The following ZNF217 variants were observed in gnomAD, a reference collection of about 807,000 sequenced individuals.
ZNF217 encodes zinc finger protein 217.
In ZNF217, 12 loss-of-function variants were observed where a neutral mutation model predicts 73.3. The ratio of observed to expected loss-of-function variants is 0.16; its 90% CI spans 0.10 to 0.27. The LOEUF (loss-of-function observed/expected upper bound fraction) is 0.27, where lower values mean the gene tolerates loss of function less well. Among genes scored for constraint, ZNF217 ranks in the 10% least tolerant of loss-of-function variants. The probability of loss-of-function intolerance (pLI) is 1.00; values close to 1 mark genes in which losing one functional copy is unlikely to be tolerated. For missense variants in ZNF217, 1,195 were observed against 1,327.8 expected (o/e 0.90, Z 1.55); for synonymous variants, 588 against 516.4 (o/e 1.14, Z -1.88).
chr20:53,580,995 GC>G (rs1466518643), intron 2 of ZNF217, among the ~76,000 whole-genome samples: 1 of 152,106 alleles, frequency 6.6e-6, no homozygotes, highest in Non-Finnish European at 1.5e-5. Context: ...GCTGTCCTGT[GC>G]ACTGTACCAT....
Position 53,576,888 on chromosome 20 carries a change from A to G in ZNF217, c.1876T>C (p.Leu626=), listed in dbSNP as rs898938393. ...KNPTPAYLDL[L]KKRSAVETQA... ...GTTTCAACTGCTGATCTCTTTTTTA[A>G]CAGGTCCAGGTAAGCAGGGGTAGGG... The change falls in exon 4 of 6, where the codon TTA becomes CTA. Residue 626 remains leucine (L), a synonymous_variant. Coordinates refer to ENST00000371471, the MANE Select transcript of ZNF217 (RefSeq NM_006526.3). The G allele has an allele frequency of 1.9e-6, 3 of 1,614,044 alleles. No individual in the cohort carries two copies. The highest frequency in any genetic ancestry group is 2.5e-6 in the Non-Finnish European group (3 of 1,180,034).
chr20:53,588,684 A>G (rs1388430121), intron 1 of ZNF217, among the ~76,000 whole-genome samples: 1 of 151,964 alleles, frequency 6.6e-6, no homozygotes, highest in Non-Finnish European at 1.5e-5. Flanking sequence ...ACTTCTTCCA[A>G]TGAGCGCTCT....
In ZNF217 at chr20:53,581,521, G is replaced by C; in HGVS notation, c.1306C>G (p.Arg436Gly). The change falls in exon 2 of 6, where the codon CGA (arginine) becomes GGA (glycine). Residue 436 changes from arginine (R) to glycine (G), a missense_variant. Transcript: ENST00000371471. This position sits in a 1 kb window ranked among gnomAD's most constrained non-coding sequence, Gnocchi z 4.9. ...CCGTCTTCAGAACCACCTTCCCCTC[G>C]ATCCACGGCTCCATTTTCATCCAGA... ...APLDENGAVD[R>G]GEGGSEDGSE... 11 of 1,614,054 alleles carry C rather than the reference G, an allele frequency of 6.8e-6. No homozygotes were observed. Among genetic ancestry groups the C allele is most frequent in the Non-Finnish European group, 9.3e-6 (11 of 1,179,934 alleles).
rs769306415 is a variant in ZNF217 at position 53,582,188 on chromosome 20, AGAG to A, written c.636_638del (p.Ser213del). The A allele has an allele frequency of 1.9e-6, 3 of 1,614,096 alleles. No homozygotes were observed. Among genetic ancestry groups the A allele is most frequent in the Non-Finnish European group, 2.5e-6 (3 of 1,180,046 alleles). ...CACAAACCATGCAGATTTTGTAAGG[AGAG>A]GAGATGCTCTCGGCCGCGTGCACCT... On this transcript the variant is annotated inframe_deletion, in exon 2 of 6. Transcript: ENST00000371471. This position sits in a 1 kb window ranked among gnomAD's most constrained non-coding sequence, Gnocchi z 4.8.
chr20:53,585,658 T>G (rs1273431619), intron 1 of ZNF217, among the ~76,000 whole-genome samples: 1 of 152,200 alleles, frequency 6.6e-6, no homozygotes, highest in Non-Finnish European at 1.5e-5. Flanking sequence ...AATTCTCAAT[T>G]ATCTGGGTTA....
At position 53,582,849 on chromosome 20, in the gene ZNF217, C is replaced by T; in HGVS notation, c.-23G>A. 6.4e-7 allele frequency: 1 copy of T among 1,568,052 alleles called. No individual in the cohort carries two copies. The highest frequency in any genetic ancestry group is 8.7e-7 in the Non-Finnish European group (1 of 1,155,128). ...CATATAATCTCAAAGTTCCGTTGGG[C>T]AATTTCTGGAGTTGGAATAAGGCCA... On this transcript the variant is annotated 5_prime_UTR_variant, in exon 2 of 6. Coordinates refer to ENST00000371471, the MANE Select transcript of ZNF217 (RefSeq NM_006526.3). This position sits in a 1 kb window ranked among gnomAD's most constrained non-coding sequence, Gnocchi z 4.8.
intron 1 of ZNF217, among the ~76,000 whole-genome samples, chr20:53,588,270 A>G (rs1181240561): frequency 2.6e-5 from 4 of 152,126 alleles, no homozygotes. Flanking sequence ...AAAGTATAAC[A>G]TACTAGTTTT....
At chr20:53,583,386 T>C (rs1015208199) in intron 1 of ZNF217, among the ~76,000 whole-genome samples, 5 of 152,232 alleles carry the variant, frequency 3.3e-5, no homozygotes, top group African/African-American at 4.8e-5. Flanking sequence ...TTTCATCCAG[T>C]TAAAATCCAG....
At chr20:53,585,083 C>A (rs1427754393) in intron 1 of ZNF217, among the ~76,000 whole-genome samples, 8 of 44,528 alleles carry the variant, frequency 1.8e-4, no homozygotes, top group African/African-American at 4.8e-4. Flanking sequence ...AATCAAAGTT[C>A]AGTGAGAATT....
At chr20:53,573,125 A>ATTTTT (rs58075044) in intron 4 of ZNF217, among the ~76,000 whole-genome samples, 1 of 141,172 alleles carries the variant, frequency 7.1e-6, no homozygotes. Flanking sequence ...CTGTAGTACT[A>ATTTTT]TTTTTTTTTT....
rs1255378469 is a variant in ZNF217 at position 53,574,243 on chromosome 20, T to C, written c.3037+1484A>G. The C allele has an allele frequency of 2.0e-5, 3 of 152,210 alleles. No individual in the cohort carries two copies. The East Asian group carries it at 5.8e-4, about 29-fold the overall frequency. The allele number at this position is 152,210 out of a possible 1,614,324, so 9.4% of individuals were successfully genotyped here. On this transcript the variant is annotated intron_variant, in intron 4 of 5. Transcript: ENST00000371471. ...TCCCCCAAATATTTTAGTCCCGCAG[T>C]TGGTTGAATCCACTGAGGCAGAACC... is the stretch of plus-strand genomic sequence containing the variant.
intron 1 of ZNF217, among the ~76,000 whole-genome samples, chr20:53,588,751 A>G (rs907670044): frequency 9.2e-5 from 14 of 152,186 alleles, no homozygotes; most frequent in Non-Finnish European, 1.9e-4. Flanking sequence ...ATGCCTTTTA[A>G]GGCATAAGAT....
intron 1 of ZNF217, among the ~76,000 whole-genome samples, chr20:53,590,156 ATTTAT>A (rs1988830743): frequency 6.7e-6 from 1 of 150,028 alleles, no homozygotes; most frequent in Non-Finnish European, 1.5e-5. Flanking sequence ...ATCTTATTAC[ATTTAT>A]TTTATTAGTG....
At chr20:53,583,477 TA>T (rs1485241773) in intron 1 of ZNF217, among the ~76,000 whole-genome samples, 2 of 152,244 alleles carry the variant, frequency 1.3e-5, no homozygotes, top group Non-Finnish European at 1.5e-5. Flanking sequence ...GAATACATTT[TA>T]AATGCCACTA....
upstream of ZNF217, among the ~76,000 whole-genome samples, chr20:53,594,835 A>T (rs1308353348): frequency 7.9e-5 from 12 of 151,924 alleles, no homozygotes. Context: ...AACACCAAAG[A>T]TTTTCTTCAA....
chr20:53,573,794 G>A (rs1988121536), intron 4 of ZNF217, among the ~76,000 whole-genome samples: 1 of 152,138 alleles, frequency 6.6e-6, no homozygotes, highest in Non-Finnish European at 1.5e-5. Flanking sequence ...TACACTGCTG[G>A]GCATGGTGGC....
chr20:53,592,797 C>T (rs1600732890), intron 1 of ZNF217, among the ~76,000 whole-genome samples: 1 of 147,896 alleles, frequency 6.8e-6, no homozygotes, highest in East Asian at 2.0e-4. Flanking sequence ...TGAAACTGAG[C>T]GGTTTCACCA....
At chr20:53,593,644 C>T (rs1988963600) in intron 1 of ZNF217, 112 bp downstream of exon 1, 1 of 151,330 alleles carries the variant, frequency 6.6e-6, no homozygotes, top group African/African-American at 2.4e-5. Flanking sequence ...CTGAGGTCAT[C>T]CTGGGGGGGG....
In ZNF217 at chr20:53,582,491, T is replaced by C; in HGVS notation, c.336A>G (p.Gln112=). 1 of 1,614,200 alleles carries C rather than the reference T, an allele frequency of 6.2e-7. No homozygotes were observed. Among genetic ancestry groups the C allele is most frequent in the South Asian group, 1.1e-5 (1 of 91,088 alleles). The part of the protein sequence containing the change: ...AEYLSPLDKS[Q]VRTEPPKEKN... ...TTTCCTTGGGAGGTTCTGTTCGCACTTGACTTTTATCAAGCGGACTGAGAT... is the reference window on the plus strand; with the variant it reads ...TTTCCTTGGGAGGTTCTGTTCGCACCTGACTTTTATCAAGCGGACTGAGAT... Residue 112 remains glutamine, a synonymous_variant, in exon 2 of 6, where the codon CAA becomes CAG. Coordinates refer to ENST00000371471, the MANE Select transcript of ZNF217 (RefSeq NM_006526.3). This position sits in a 1 kb window ranked among gnomAD's most constrained non-coding sequence, Gnocchi z 4.8.
Sources: allele counts gnomAD v4.1 joint callset (sites outside exome capture counted in the v4.1 genomes callset), GRCh38; gene constraint gnomAD v4.1.1; non-coding constraint Gnocchi (gnomAD v3.1); transcripts MANE v1.5; gene names NCBI Gene and HGNC (gene_info 2026-07-23, HGNC 2026-07-21).